Variants in UGT1A9 observed in about 807,000 individuals in gnomAD.
The protein encoded by UGT1A9 is UDP-glucuronosyltransferase 1A9.
Under a neutral mutation model 45.0 loss-of-function variants are expected in UGT1A9, and 35 were observed. The ratio of observed to expected loss-of-function variants is 0.78; its 90% confidence interval spans 0.59 to 1.03. The LOEUF (loss-of-function observed/expected upper bound fraction) is 1.03. UGT1A9 is among the 50% of genes least tolerant of loss of function. UGT1A9 has a pLI of 0.00. For missense variants in UGT1A9, 687 were observed against 666.6 expected, an observed-to-expected ratio of 1.03 and a Z score of -0.34; for synonymous variants, 278 against 250.6, an observed-to-expected ratio of 1.11 and a Z score of -1.03.
At chr2:233,732,425 G>T (rs1329507271) in intron 1 of UGT1A9, among the ~76,000 whole-genome samples, 1 of 152,186 alleles carries the variant, frequency 6.6e-6, no homozygotes, top group African/African-American at 2.4e-5. Context: ...TTTTCTTCTA[G>T]GATTTTTATG....
chr2:233,747,923 G>C (rs1349241680), intron 1 of UGT1A9: 11 of 1,613,296 alleles, frequency 6.8e-6, no homozygotes, highest in Non-Finnish European at 8.5e-6. Flanking sequence ...TTGCCTCTGA[G>C]CTTTTTCAGA....
At chr2:233,696,598 T>C (rs562696652) in intron 1 of UGT1A9, among the ~76,000 whole-genome samples, 1 of 140,456 alleles carries the variant, frequency 7.1e-6, no homozygotes, top group East Asian at 2.0e-4. Flanking sequence ...CTTTCCAACT[T>C]GGATGCCCTT....
chr2:233,759,557 C>T (rs1697172001), intron 1 of UGT1A9, among the ~76,000 whole-genome samples: 1 of 152,070 alleles, frequency 6.6e-6, no homozygotes, highest in South Asian at 2.1e-4. Context: ...AGTGAATTTC[C>T]CTTTCTGGTC....
rs761038539 is a variant in UGT1A9 at position 233,743,935 on chromosome 2, C to G, written c.856-23099C>G. 3 of 1,357,014 alleles carry G rather than the reference C, an allele frequency of 2.2e-6. No homozygotes were observed. In the East Asian group the frequency reaches 1.4e-4, roughly 62 times the overall value. 84.1% of individuals were successfully genotyped at this position (1,357,014 alleles called of 1,614,324 possible). On this transcript the variant is annotated intron_variant, in intron 1 of 4. Transcript: ENST00000354728. Reference sequence around the variant, plus strand: ...CCACCATGCTGGATGGCCAGAACGGCCCACCAGGCACTGGCACAGCGAGCG... The same window carrying G: ...CCACCATGCTGGATGGCCAGAACGGGCCACCAGGCACTGGCACAGCGAGCG...
In UGT1A9 at chr2:233,702,349, G is replaced by GT. The variant is rs545005076; in HGVS notation, c.855+29569dup. 6.4e-4 allele frequency among the ~76,000 whole-genome samples: 97 copies of GT among 151,202 alleles called. No individual in the cohort carries two copies. In the South Asian group the frequency reaches 0.013, roughly 20 times the overall value. On this transcript the variant is annotated intron_variant, in intron 1 of 4. Coordinates refer to ENST00000354728, the MANE Select transcript of UGT1A9 (RefSeq NM_021027.3). ...CTGAACTTGTTTATTTGTTCTAATA[G>GT]TTTTTTTTTAGTGGATTTCGTAGGA... is the stretch of plus-strand genomic sequence containing the variant.
intron 1 of UGT1A9, among the ~76,000 whole-genome samples, chr2:233,711,702 C>A (rs1389378029): frequency 3.3e-5 from 5 of 152,302 alleles, no homozygotes; most frequent in South Asian, 2.1e-4. Context: ...AACTTCCTCC[C>A]TAAGGGAAGC....
In UGT1A9 at chr2:233,772,139, G is replaced by T. The variant is rs1700470475; in HGVS notation, c.1296-123G>T. ...AAAAACAACAACAACAACAATAATA[G>T]AAACAGGTTTCCTTTCCCAAGTTTG... On this transcript the variant is annotated intron_variant, in intron 4 of 4. Coordinates refer to ENST00000354728, the MANE Select transcript of UGT1A9 (RefSeq NM_021027.3). The T allele has an allele frequency of 5.2e-6, 8 of 1,548,574 alleles. No homozygotes were observed. In the Admixed American group the frequency reaches 1.2e-4, roughly 23 times the overall value.
chr2:233,748,015 C>G (rs746722710), intron 1 of UGT1A9: 4 of 1,613,310 alleles, frequency 2.5e-6, no homozygotes. Flanking sequence ...TACCCCAGGC[C>G]GATCATGCCC....
chr2:233,718,430 G>A (rs972830919), intron 1 of UGT1A9, among the ~76,000 whole-genome samples: 1 of 152,312 alleles, frequency 6.6e-6, no homozygotes, highest in Admixed American at 6.5e-5. Context: ...CATGTGGTTG[G>A]GGACTAGGGC....
chr2:233,757,265 C>T (rs1416331195), intron 1 of UGT1A9, among the ~76,000 whole-genome samples: 2 of 116,902 alleles, frequency 1.7e-5, no homozygotes, highest in Non-Finnish European at 3.3e-5. Flanking sequence ...AGGTGGCAGC[C>T]GATGCAATGA....
At chr2:233,740,222 C>T (rs1446035659) in intron 1 of UGT1A9, among the ~76,000 whole-genome samples, 1 of 151,764 alleles carries the variant, frequency 6.6e-6, no homozygotes, top group Non-Finnish European at 1.5e-5. Context: ...TCAGCTGCGT[C>T]TTTATAGCAG....
intron 1 of UGT1A9, chr2:233,719,063 T>C (rs780981964): frequency 1.1e-4 from 178 of 1,614,270 alleles, no homozygotes; most frequent in East Asian, 3.6e-4. Flanking sequence ...CAGCCTATGC[T>C]GTTCCATGGA....
chr2:233,691,197 G>A, intron 1 of UGT1A9: 1 of 985,648 alleles, frequency 1.0e-6, no homozygotes. Context: ...GTGGACCTGA[G>A]CTCTGTTCCC....
intron 1 of UGT1A9, among the ~76,000 whole-genome samples, chr2:233,684,286 A>G (rs941615401): frequency 6.6e-6 from 1 of 152,226 alleles, no homozygotes; most frequent in South Asian, 2.1e-4. Flanking sequence ...CATGACTTTC[A>G]GCTCTTGGCA....
intron 1 of UGT1A9, among the ~76,000 whole-genome samples, chr2:233,709,056 C>T (rs1379760396): frequency 3.9e-5 from 6 of 152,080 alleles, no homozygotes; most frequent in Admixed American, 1.3e-4. Context: ...CCCAGGATTC[C>T]TAGTTAAAGT....
intron 1 of UGT1A9, among the ~76,000 whole-genome samples, chr2:233,732,141 T>C (rs532123817): frequency 6.6e-6 from 1 of 151,874 alleles, no homozygotes; most frequent in South Asian, 2.1e-4. Context: ...TGTTTGTTTG[T>C]TTTTTTTCTT....
intron 1 of UGT1A9, chr2:233,755,125 C>T (rs1380878187): frequency 3.0e-6 from 4 of 1,325,936 alleles, no homozygotes; most frequent in Non-Finnish European, 4.1e-6. Flanking sequence ...GCCTCAGCCA[C>T]CTGCTTGAAT....
At chr2:233,765,305 A>G (rs777427074) in intron 1 of UGT1A9, among the ~76,000 whole-genome samples, 9 of 152,220 alleles carry the variant, frequency 5.9e-5, no homozygotes, top group Admixed American at 1.3e-4. Flanking sequence ...ACACATGCAC[A>G]TATTTGTTTA....
At chr2:233,725,435 A>G (rs1455918541) in intron 1 of UGT1A9, among the ~76,000 whole-genome samples, 2 of 151,954 alleles carry the variant, frequency 1.3e-5, no homozygotes, top group Non-Finnish European at 2.9e-5. Context: ...AATATAATGT[A>G]AGCCACATAC....
Sources: allele counts gnomAD v4.1 joint callset (sites outside exome capture counted in the v4.1 genomes callset), GRCh38; gene constraint gnomAD v4.1.1; transcripts MANE v1.5; gene names NCBI Gene and HGNC (gene_info 2026-07-23, HGNC 2026-07-21).